Variants in PARD3 observed in about 807,000 individuals in gnomAD.
PARD3 encodes the protein partitioning defective 3 homolog.
Under a neutral mutation model 155.4 loss-of-function variants are expected in PARD3, and 75 were observed. The ratio of observed to expected loss-of-function variants is 0.48; its 90% CI spans 0.40 to 0.58. The LOEUF (loss-of-function observed/expected upper bound fraction) is 0.58, where lower values mean the gene tolerates loss of function less well. Ranked by LOEUF, PARD3 falls within the 20% of genes least tolerant of loss-of-function variation. PARD3 has a pLI of 0.00. For missense variants in PARD3, 1,642 were observed against 1,721.7 expected (o/e 0.95, Z 0.82); for synonymous variants, 576 against 610.5 (o/e 0.94, Z 0.83).
At chr10:34,549,411 G>A (rs559785312) in intron 2 of PARD3, among the ~76,000 whole-genome samples, 4 of 152,184 alleles carry the variant, frequency 2.6e-5, no homozygotes, top group African/African-American at 9.7e-5. Flanking sequence ...TTACAGAGAT[G>A]AGATTCTCTT....
At chr10:34,371,012 A>G (rs185070674) in intron 12 of PARD3, among the ~76,000 whole-genome samples, 27 of 152,310 alleles carry the variant, frequency 1.8e-4, no homozygotes, top group Admixed American at 1.2e-3. Context: ...ACACATGCAC[A>G]TACCTATGCA....
chr10:34,694,090 G>A (rs1012005892), intron 2 of PARD3, among the ~76,000 whole-genome samples: 1 of 151,236 alleles, frequency 6.6e-6, no homozygotes, highest in Non-Finnish European at 1.5e-5. Context: ...TCCTCACAAG[G>A]AGTTGTGCTA....
chr10:34,675,711 A>G, intron 2 of PARD3: 1 of 191,004 alleles, frequency 5.2e-6, no homozygotes, highest in Admixed American at 4.9e-5. Context: ...GTCCTTAACT[A>G]TTACACAACT....
chr10:34,377,793 T>C (rs997968652), intron 10 of PARD3, among the ~76,000 whole-genome samples, 174 bp downstream of exon 10: 6 of 151,898 alleles, frequency 4.0e-5, no homozygotes, highest in African/African-American at 1.5e-4. Context: ...AAAATATATA[T>C]AAAAAATAAC....
intron 1 of PARD3, among the ~76,000 whole-genome samples, chr10:34,769,547 G>C (rs1838567005): frequency 6.6e-6 from 1 of 151,790 alleles, no homozygotes; most frequent in South Asian, 2.1e-4. Flanking sequence ...CTTGAGTCCA[G>C]GAGTCCGACA....
chr10:34,225,323 A>C (rs1205403183), intron 22 of PARD3, among the ~76,000 whole-genome samples: 1 of 151,844 alleles, frequency 6.6e-6, no homozygotes, highest in Non-Finnish European at 1.5e-5. Context: ...AAAGTTCACC[A>C]GGCAGACTGG....
intron 2 of PARD3, among the ~76,000 whole-genome samples, chr10:34,577,247 C>T (rs568445914): frequency 2.0e-5 from 3 of 152,286 alleles, no homozygotes; most frequent in African/African-American, 7.2e-5. Flanking sequence ...AGTGACTGTC[C>T]ATTCATGTGA....
rs749041050 is a variant in PARD3, at chr10:34,382,604, C to T, written c.1335G>A (p.Thr445=). The change falls in exon 9 of 25, where the codon ACG becomes ACA. Residue 445 remains threonine (T), a synonymous_variant. Coordinates refer to ENST00000374788, the MANE Select transcript of PARD3 (RefSeq NM_001184785.2). The part of the protein sequence containing the change: ...PASAPQNVFS[T]TVSSGYNTKK... Reference sequence around the variant, plus strand: ...TGGTGTTATAACCACTGCTTACAGTCGTACTAAATACATTCTGAGGTGCCG... The same window carrying T: ...TGGTGTTATAACCACTGCTTACAGTTGTACTAAATACATTCTGAGGTGCCG... 4 of 1,613,914 alleles carry T rather than the reference C, an allele frequency of 2.5e-6. No individual in the cohort carries two copies. The highest frequency in any genetic ancestry group is 2.2e-5 in the East Asian group (1 of 44,880).
intron 1 of PARD3, among the ~76,000 whole-genome samples, chr10:34,759,389 T>C (rs1016708402): frequency 7.9e-5 from 12 of 152,288 alleles, no homozygotes; most frequent in African/African-American, 2.9e-4. Flanking sequence ...TTGAGAACTG[T>C]TTCACAAGTG....
At chr10:34,410,261 T>C (rs1844912864) in intron 5 of PARD3, among the ~76,000 whole-genome samples, 1 of 152,200 alleles carries the variant, frequency 6.6e-6, no homozygotes, top group African/African-American at 2.4e-5. Flanking sequence ...TGTGAGATGA[T>C]TTCTGTCTTT....
At chr10:34,134,683 C>T (rs753647086) in intron 22 of PARD3, among the ~76,000 whole-genome samples, 1 of 152,196 alleles carries the variant, frequency 6.6e-6, no homozygotes, top group Non-Finnish European at 1.5e-5. Context: ...AGAAAGCTGG[C>T]TGACTTGTCT....
intron 1 of PARD3, among the ~76,000 whole-genome samples, chr10:34,698,821 T>C (rs11009878): frequency 0.61 from 92,521 of 152,116 alleles, 29,078 homozygotes; most frequent in Non-Finnish European, 0.67. Flanking sequence ...CAAAACCTTT[T>C]GTTGACACTA....
intron 5 of PARD3, among the ~76,000 whole-genome samples, chr10:34,408,942 G>T (rs1405565297): frequency 6.6e-6 from 1 of 152,044 alleles, no homozygotes; most frequent in African/African-American, 2.4e-5. Context: ...ACAAAGTCCA[G>T]TTCCTTATAA....
intron 2 of PARD3, among the ~76,000 whole-genome samples, chr10:34,650,786 C>T (rs188617739): frequency 2.6e-5 from 4 of 152,108 alleles, no homozygotes; most frequent in African/African-American, 7.2e-5. Context: ...CCGAGGTGGC[C>T]GGATCACCTG....
chr10:34,152,161 T>A (rs1162723459), intron 22 of PARD3, among the ~76,000 whole-genome samples: 1 of 152,190 alleles, frequency 6.6e-6, no homozygotes, highest in Admixed American at 6.5e-5. Flanking sequence ...TTTCACAAGA[T>A]CTTTCTTTTA....
intron 7 of PARD3, among the ~76,000 whole-genome samples, chr10:34,398,343 C>A (rs1843546026): frequency 6.6e-6 from 1 of 152,142 alleles, no homozygotes; most frequent in Non-Finnish European, 1.5e-5. Flanking sequence ...ACCCTAGATG[C>A]CTGTAATTAC....
intron 1 of PARD3, among the ~76,000 whole-genome samples, chr10:34,789,134 A>C (rs1841340380): frequency 6.6e-6 from 1 of 152,232 alleles, no homozygotes; most frequent in African/African-American, 2.4e-5. Flanking sequence ...CGACCTCTAA[A>C]AAGTATTATG....
At position 34,609,553 on chromosome 10, in the gene PARD3, T is replaced by G. The variant is rs1293934318; in HGVS notation, c.222+86765A>C. On this transcript the variant is annotated intron_variant, in intron 2 of 24. Coordinates refer to ENST00000374788, the MANE Select transcript of PARD3 (RefSeq NM_001184785.2). ...TTGAGTACTTACTTCCCTCTTTTTG[T>G]TTGTTTAGAGACAAGGTCTCCCTTT... Among the ~76,000 whole-genome samples, 3 of 152,108 alleles carry G rather than the reference T, an allele frequency of 2.0e-5. No individual in the cohort carries two copies. In the East Asian group the frequency reaches 5.8e-4, roughly 29 times the overall value.
chr10:34,527,809 T>G (rs2082580366), intron 2 of PARD3, among the ~76,000 whole-genome samples: 1 of 152,218 alleles, frequency 6.6e-6, no homozygotes, highest in South Asian at 2.1e-4. Context: ...GGTGTGATTT[T>G]TAAATACCCA....
Sources: allele counts gnomAD v4.1 joint callset (sites outside exome capture counted in the v4.1 genomes callset), GRCh38; gene constraint gnomAD v4.1.1; transcripts MANE v1.5; gene names NCBI Gene and HGNC (gene_info 2026-07-23, HGNC 2026-07-21).